Variants in MIR2052HG observed in about 807,000 individuals in gnomAD.
MIR2052HG encodes the protein MIR2052 host gene.
At chr8:74,700,240 T>C (rs914965852) in intron 2 of MIR2052HG, among the ~76,000 whole-genome samples, 1 of 152,212 alleles carries the variant, frequency 6.6e-6, no homozygotes, top group African/African-American at 2.4e-5. Context: ...CAGAAATACA[T>C]AAATATCTAC....
chr8:74,736,486 T>C (rs1809745934), intron 4 of MIR2052HG, among the ~76,000 whole-genome samples: 1 of 152,170 alleles, frequency 6.6e-6, no homozygotes, highest in African/African-American at 2.4e-5. Context: ...CTAAGCAAAT[T>C]AGAAGTCTTT....
At chr8:74,657,932 G>A (rs1808823997) in intron 2 of MIR2052HG, among the ~76,000 whole-genome samples, 1 of 152,094 alleles carries the variant, frequency 6.6e-6, no homozygotes, top group Non-Finnish European at 1.5e-5. Context: ...TGATTCACAT[G>A]TTCACTAAAA....
At chr8:74,720,630 G>T (rs184737751) in intron 4 of MIR2052HG, among the ~76,000 whole-genome samples, 10 of 152,094 alleles carry the variant, frequency 6.6e-5, no homozygotes, top group Non-Finnish European at 1.5e-4. Context: ...TCCACTTTTG[G>T]AACAAAATGT....
chr8:74,682,184 A>G (rs1809132813), intron 2 of MIR2052HG, among the ~76,000 whole-genome samples: 1 of 152,142 alleles, frequency 6.6e-6, no homozygotes, highest in African/African-American at 2.4e-5. Context: ...TTAAATGGGA[A>G]AGGCAAATTT....
chr8:74,709,133 A>G (rs1809441606), intron 4 of MIR2052HG, among the ~76,000 whole-genome samples: 1 of 152,156 alleles, frequency 6.6e-6, no homozygotes, highest in African/African-American at 2.4e-5. Context: ...AGCTAATTAG[A>G]CAAGGGAAAA....
intron 4 of MIR2052HG, among the ~76,000 whole-genome samples, chr8:74,714,502 G>A (rs1176982947): frequency 2.0e-5 from 3 of 152,072 alleles, no homozygotes; most frequent in Non-Finnish European, 4.4e-5. Flanking sequence ...GATTTTAGAA[G>A]ACTGAGAGAA....
At chr8:74,728,969 A>G (rs1259490214) in intron 4 of MIR2052HG, among the ~76,000 whole-genome samples, 1 of 152,164 alleles carries the variant, frequency 6.6e-6, no homozygotes, top group Non-Finnish European at 1.5e-5. Flanking sequence ...CTGAAAGTAA[A>G]TGGGTTTCAT....
At chr8:74,641,672 G>A (rs558982419) in intron 2 of MIR2052HG, among the ~76,000 whole-genome samples, 4 of 151,818 alleles carry the variant, frequency 2.6e-5, no homozygotes, top group Non-Finnish European at 5.9e-5. Context: ...TTTTTGGTAA[G>A]CAAAAGACAA....
At chr8:74,699,822 A>G (rs1809340517) in intron 2 of MIR2052HG, among the ~76,000 whole-genome samples, 1 of 152,144 alleles carries the variant, frequency 6.6e-6, no homozygotes, top group South Asian at 2.1e-4. Flanking sequence ...TGGTTTCTAT[A>G]TGGTAAAATG....
chr8:74,727,851 T>TACCTACATACTC (rs1563540980), intron 4 of MIR2052HG, among the ~76,000 whole-genome samples: 1 of 152,136 alleles, frequency 6.6e-6, no homozygotes, highest in African/African-American at 2.4e-5. Context: ...TTCTATGTGG[T>TACCTACATACTC]TTTATTAAGG....
At chr8:74,614,032 C>T (rs1808240747) in intron 2 of MIR2052HG, among the ~76,000 whole-genome samples, 1 of 152,172 alleles carries the variant, frequency 6.6e-6, no homozygotes, top group Non-Finnish European at 1.5e-5. Flanking sequence ...TAAACGATTT[C>T]ACATCTTCCT....
intron 2 of MIR2052HG, among the ~76,000 whole-genome samples, chr8:74,630,464 C>G (rs905785964): frequency 4.1e-5 from 6 of 147,336 alleles, no homozygotes; most frequent in Non-Finnish European, 3.0e-5. Context: ...TCTTGGCAAG[C>G]CTTTTACTCC....
chr8:74,647,397 T>G (rs540773327), intron 2 of MIR2052HG, among the ~76,000 whole-genome samples: 1 of 152,300 alleles, frequency 6.6e-6, no homozygotes, highest in South Asian at 2.1e-4. Flanking sequence ...AAATAAGTGA[T>G]GTATTACAAA....
chr8:74,628,103 G>C (rs577487666), intron 2 of MIR2052HG, among the ~76,000 whole-genome samples: 7 of 152,268 alleles, frequency 4.6e-5, no homozygotes, highest in South Asian at 4.1e-4. Context: ...ACGAGGAAGA[G>C]AGAGTAACTC....
intron 2 of MIR2052HG, among the ~76,000 whole-genome samples, chr8:74,617,849 AC>A (rs1467182711): frequency 6.6e-6 from 1 of 152,140 alleles, no homozygotes; most frequent in Non-Finnish European, 1.5e-5. Context: ...CATTTTCTCC[AC>A]ATCCTTGCCA....
chr8:74,644,004 C>T (rs1808666381), intron 2 of MIR2052HG, among the ~76,000 whole-genome samples: 1 of 152,182 alleles, frequency 6.6e-6, no homozygotes, highest in Non-Finnish European at 1.5e-5. Flanking sequence ...TGCTTAACAT[C>T]CCCTGAGATG....
chr8:74,706,421 C>T (rs958413393), intron 4 of MIR2052HG, among the ~76,000 whole-genome samples: 26 of 152,058 alleles, frequency 1.7e-4, no homozygotes, highest in African/African-American at 6.0e-4. Flanking sequence ...TGTGCTTGCT[C>T]TGTAATGTAG....
intron 1 of MIR2052HG, among the ~76,000 whole-genome samples, chr8:74,602,876 T>TCTTTCTTTCTTTCTTTTCTTTCTTTC (rs1554570015): frequency 8.7e-5 from 12 of 137,150 alleles, no homozygotes; most frequent in East Asian, 2.2e-4. Flanking sequence ...TTTCTTTCTT[T>TCTTTCTTTCTTTCTTTTCTTTCTTTC]TTTCTATTCA....
chr8:74,734,013 G>T (rs536539527), intron 4 of MIR2052HG, among the ~76,000 whole-genome samples: 1 of 152,120 alleles, frequency 6.6e-6, no homozygotes, highest in Non-Finnish European at 1.5e-5. Context: ...GAGCTTCTGC[G>T]CAGCAAAAGA....
Sources: gnomAD v4.1 joint callset for allele counts (sites outside exome capture counted in the v4.1 genomes callset) on GRCh38, gnomAD v4.1.1 for gene constraint, MANE v1.5 for transcripts, NCBI Gene and HGNC (gene_info 2026-07-23, HGNC 2026-07-21) for gene names.